The following ZBBX variants were observed in gnomAD, a reference collection of about 807,000 sequenced individuals.
The protein encoded by ZBBX is zinc finger B-box domain-containing protein 1.
A neutral mutation model predicts 108.5 loss-of-function variants in ZBBX; 101 were observed. The observed-to-expected ratio is 0.93, with a 90% CI of 0.79 to 1.10. The LOEUF (loss-of-function observed/expected upper bound fraction) is 1.10. Among genes scored for constraint, ZBBX ranks in the 50% least tolerant of loss-of-function variants. The probability of loss-of-function intolerance (pLI) is 0.00; values close to 1 mark genes in which losing one functional copy is unlikely to be tolerated. For missense variants in ZBBX, 1,009 were observed against 941.4 expected, an observed-to-expected ratio of 1.07 and a Z score of -0.94; for synonymous variants, 356 against 323.4, an observed-to-expected ratio of 1.10 and a Z score of -1.08.
At chr3:167,311,081 A>G (rs2108263169) in intron 16 of ZBBX, among the ~76,000 whole-genome samples, 1 of 152,308 alleles carries the variant, frequency 6.6e-6, no homozygotes, top group Non-Finnish European at 1.5e-5. Flanking sequence ...CAATCAAGAG[A>G]GTGTGTGGTA....
downstream of ZBBX, among the ~76,000 whole-genome samples, chr3:167,238,965 CATCTATATCTATAT>C (rs1214159673): frequency 2.0e-5 from 3 of 152,116 alleles, no homozygotes; most frequent in Non-Finnish European, 4.4e-5. Context: ...TGTCTATACA[CATCTATATCTATAT>C]ATCTATATCT....
At chr3:167,226,737 G>C in the ZBBX span, among the ~76,000 whole-genome samples, 1 of 151,522 alleles carries the variant, frequency 6.6e-6, no homozygotes, top group African/African-American at 2.4e-5. Flanking sequence ...ACATCTTTAA[G>C]GAAAACTTTC....
chr3:167,236,428 A>G (rs1025799386), downstream of ZBBX, among the ~76,000 whole-genome samples: 1 of 151,820 alleles, frequency 6.6e-6, no homozygotes, highest in Non-Finnish European at 1.5e-5. Context: ...AGCATAGCAA[A>G]GCACTTTCCA....
chr3:167,326,024 A>T (rs1372839000), intron 11 of ZBBX, among the ~76,000 whole-genome samples: 1 of 152,150 alleles, frequency 6.6e-6, no homozygotes, highest in Non-Finnish European at 1.5e-5. Context: ...AAAACAAGTC[A>T]CCACTGAGGC....
the ZBBX span, among the ~76,000 whole-genome samples, chr3:167,226,508 G>T: frequency 6.6e-6 from 1 of 151,682 alleles, no homozygotes; most frequent in East Asian, 1.9e-4. Context: ...CCACTGTGAA[G>T]AATATTGTAG....
Position 167,240,790 on chromosome 3 carries a change from T to C in ZBBX, c.*3A>G. 6.2e-7 allele frequency: 1 copy of C among 1,611,720 alleles called. No homozygotes were observed. The stretch of plus-strand genomic sequence containing the variant: ...AATGGAAACAGTAATGAACAAATAA[T>C]CTTTAAGTACTCTTTGACCACGGTA... On this transcript the variant is annotated 3_prime_UTR_variant, in exon 22 of 22. Coordinates refer to ENST00000675490, the MANE Select transcript of ZBBX (RefSeq NM_001199201.2).
intron 4 of ZBBX, among the ~76,000 whole-genome samples, chr3:167,369,491 G>A (rs527596643): frequency 2.4e-4 from 36 of 152,308 alleles, no homozygotes; most frequent in South Asian, 2.3e-3. Context: ...AAAGTGATAG[G>A]AAGGGCTGTC....
At chr3:167,333,652 T>TA (rs1257728764) in intron 10 of ZBBX, among the ~76,000 whole-genome samples, 175 bp downstream of exon 10, 3 of 152,214 alleles carry the variant, frequency 2.0e-5, no homozygotes, top group Non-Finnish European at 4.4e-5. Flanking sequence ...CAAAGCAGGC[T>TA]TCTTGAAAAT....
chr3:167,197,638 T>C, the ZBBX span, among the ~76,000 whole-genome samples: 2 of 152,192 alleles, frequency 1.3e-5, no homozygotes, highest in African/African-American at 4.8e-5. Flanking sequence ...TTGACAGATG[T>C]CTTTGAGAGC....
chr3:167,277,191 G>A (rs1285219513), intron 20 of ZBBX, among the ~76,000 whole-genome samples: 1 of 151,266 alleles, frequency 6.6e-6, no homozygotes, highest in Non-Finnish European at 1.5e-5. Flanking sequence ...ATCAACTAAC[G>A]AGCAAAATAA....
At chr3:167,303,884 C>A (rs1004160521) in intron 17 of ZBBX, among the ~76,000 whole-genome samples, 1 of 152,070 alleles carries the variant, frequency 6.6e-6, no homozygotes, top group African/African-American at 2.4e-5. Context: ...AGGAATTGTA[C>A]TTTGTTATTT....
At chr3:167,405,613 A>C (rs541440085) in intron 1 of ZBBX, among the ~76,000 whole-genome samples, 1 of 152,214 alleles carries the variant, frequency 6.6e-6, no homozygotes, top group Non-Finnish European at 1.5e-5. Context: ...AGAAAAACTT[A>C]GTATAGGTTA....
At chr3:167,338,890 C>T (rs978560684) in intron 9 of ZBBX, among the ~76,000 whole-genome samples, 13 of 151,968 alleles carry the variant, frequency 8.6e-5, no homozygotes, top group African/African-American at 3.1e-4. Context: ...ACTTGGAAGG[C>T]TTTATTTACA....
upstream of ZBBX, among the ~76,000 whole-genome samples, chr3:167,382,736 A>T (rs1309978825): frequency 2.0e-5 from 3 of 151,916 alleles, no homozygotes; most frequent in East Asian, 3.8e-4. Flanking sequence ...ATGATTTTCT[A>T]AAAAAAAGTG....
intron 20 of ZBBX, among the ~76,000 whole-genome samples, chr3:167,276,667 C>G (rs537215874): frequency 2.9e-4 from 44 of 152,186 alleles, no homozygotes; most frequent in Middle Eastern, 3.4e-3. Context: ...TGGAAAACAC[C>G]CTGCAGGATA....
chr3:167,194,737 G>C, the ZBBX span, among the ~76,000 whole-genome samples: 8 of 152,092 alleles, frequency 5.3e-5, no homozygotes, highest in African/African-American at 1.7e-4. Flanking sequence ...CTGCTGGCTT[G>C]GGCTCCTCAG....
intron 1 of ZBBX, among the ~76,000 whole-genome samples, chr3:167,400,105 T>C (rs985496013): frequency 2.6e-5 from 4 of 152,186 alleles, no homozygotes; most frequent in Non-Finnish European, 5.9e-5. Flanking sequence ...CAATCCACCA[T>C]TGATGGAACC....
chr3:167,316,505 C>A (rs1560112796), intron 14 of ZBBX, among the ~76,000 whole-genome samples: 1 of 151,966 alleles, frequency 6.6e-6, no homozygotes, highest in Non-Finnish European at 1.5e-5. Flanking sequence ...CTAGTTGATG[C>A]TATTGGTGTC....
intron 1 of ZBBX, among the ~76,000 whole-genome samples, chr3:167,386,303 C>T (rs1439600998): frequency 6.6e-6 from 1 of 151,914 alleles, no homozygotes; most frequent in East Asian, 1.9e-4. Context: ...AATAAAATTC[C>T]CTTATTAATT....
Sources: gnomAD v4.1 joint callset for allele counts (sites outside exome capture counted in the v4.1 genomes callset) on GRCh38, gnomAD v4.1.1 for gene constraint, MANE v1.5 for transcripts, NCBI Gene and HGNC (gene_info 2026-07-23, HGNC 2026-07-21) for gene names.